The following AUTS2 variants were observed in gnomAD, a reference collection of about 807,000 sequenced individuals.
AUTS2 encodes autism susceptibility gene 2 protein.
Under a neutral mutation model 112.4 loss-of-function variants are expected in AUTS2, and 17 were observed. The observed-to-expected ratio is 0.15, with a 90% CI of 0.10 to 0.23. The LOEUF (loss-of-function observed/expected upper bound fraction) is 0.23, where lower values mean the gene tolerates loss of function less well. Ranked by LOEUF, AUTS2 falls within the 10% of genes least tolerant of loss-of-function variation. AUTS2 has a pLI of 1.00. For missense variants in AUTS2, 1,510 were observed against 1,701.6 expected, an observed-to-expected ratio of 0.89 and a Z score of 1.98; for synonymous variants, 751 against 702.7, an observed-to-expected ratio of 1.07 and a Z score of -1.09.
At chr7:70,606,723 G>C (rs182417670) in intron 5 of AUTS2, among the ~76,000 whole-genome samples, 1 of 151,970 alleles carries the variant, frequency 6.6e-6, no homozygotes, top group South Asian at 2.1e-4. Context: ...TTCGCCAGGC[G>C]TGGTGATGCA....
chr7:70,790,324 C>A lies in AUTS2; in HGVS notation c.3108C>A (p.Ser1036Arg), dbSNP rs956079684. Reference sequence around the variant, plus strand: ...TGACGGGCATTCACCCCATGAACAGCATCAGCAGCCTGGACAGGACTCGCA... The same window carrying A: ...TGACGGGCATTCACCCCATGAACAGAATCAGCAGCCTGGACAGGACTCGCA... ...VGVTGIHPMN[S>R]ISSLDRTRMM... Residue 1036 changes from serine to arginine, a missense_variant, in exon 19 of 19, where the codon AGC (serine) becomes AGA (arginine). By Grantham distance (110) the Ser-to-Arg change is moderately radical (BLOSUM62 -1). Transcript: ENST00000342771. This position sits in a 1 kb window ranked among gnomAD's most constrained non-coding sequence, Gnocchi z 7.6. 1.2e-6 allele frequency: 2 copies of A among 1,613,802 alleles called. No homozygotes were observed. Among genetic ancestry groups the A allele is most frequent in the Non-Finnish European group, 1.7e-6 (2 of 1,180,036 alleles).
intron 4 of AUTS2, 82 bp from the exon 5 acceptor site, chr7:70,435,670 T>TG: frequency 7.3e-7 from 1 of 1,364,968 alleles, no homozygotes; most frequent in Non-Finnish European, 1.0e-6. Context: ...TTTTTTTGTA[T>TG]GGGGGTTGGG....
chr7:69,739,124 G>T (rs897725658), intron 1 of AUTS2, among the ~76,000 whole-genome samples: 2 of 152,028 alleles, frequency 1.3e-5, no homozygotes, highest in Non-Finnish European at 2.9e-5. Flanking sequence ...CCAATCTTCA[G>T]GGGGTGGGAA....
chr7:70,270,717 C>T (rs541837322), intron 4 of AUTS2, among the ~76,000 whole-genome samples: 1 of 152,268 alleles, frequency 6.6e-6, no homozygotes, highest in South Asian at 2.1e-4. Context: ...TAACTACCCC[C>T]TCCTGCTTCT....
intron 4 of AUTS2, among the ~76,000 whole-genome samples, chr7:70,332,523 G>T (rs1790801878): frequency 6.6e-6 from 1 of 152,152 alleles, no homozygotes; most frequent in Non-Finnish European, 1.5e-5. Flanking sequence ...TAAGGAAAAA[G>T]AACAAAGCTG....
chr7:70,528,659 C>A (rs1026195940), intron 5 of AUTS2, among the ~76,000 whole-genome samples: 1 of 152,036 alleles, frequency 6.6e-6, no homozygotes, highest in African/African-American at 2.4e-5. Context: ...CGCCTCTAGT[C>A]CCAGCTACTT....
At chr7:69,751,595 C>A (rs901193317) in intron 1 of AUTS2, among the ~76,000 whole-genome samples, 6 of 152,144 alleles carry the variant, frequency 3.9e-5, no homozygotes, top group African/African-American at 1.4e-4. Flanking sequence ...GAACTTCAGG[C>A]CTTTATTCAT....
At chr7:69,830,372 A>G (rs971458690) in intron 1 of AUTS2, among the ~76,000 whole-genome samples, 2 of 152,222 alleles carry the variant, frequency 1.3e-5, no homozygotes, top group African/African-American at 2.4e-5. Context: ...ATACCTGTAC[A>G]TTCTGCACAT....
At chr7:69,817,389 GTT>G (rs932456041) in intron 1 of AUTS2, among the ~76,000 whole-genome samples, 7 of 152,178 alleles carry the variant, frequency 4.6e-5, no homozygotes, top group African/African-American at 1.7e-4. Flanking sequence ...ATGTGCAGGG[GTT>G]TTATGGGTAC....
At chr7:69,644,574 C>T (rs1794942008) in intron 1 of AUTS2, among the ~76,000 whole-genome samples, 2 of 151,662 alleles carry the variant, frequency 1.3e-5, no homozygotes, top group South Asian at 4.2e-4. Flanking sequence ...GTAGAGGGCT[C>T]AGTAGCCTTC....
At chr7:69,989,908 C>G (rs1335662572) in intron 2 of AUTS2, among the ~76,000 whole-genome samples, 1 of 152,084 alleles carries the variant, frequency 6.6e-6, no homozygotes, top group African/African-American at 2.4e-5. Flanking sequence ...TTTGAGGGAT[C>G]TAGGTTGCCT....
chr7:69,978,297 T>C (rs1173333214), intron 2 of AUTS2, among the ~76,000 whole-genome samples: 1 of 152,212 alleles, frequency 6.6e-6, no homozygotes, highest in Non-Finnish European at 1.5e-5. Context: ...AGAAACAACA[T>C]TGTCTTTTCA....
chr7:69,703,560 T>C (rs187244952), intron 1 of AUTS2, among the ~76,000 whole-genome samples: 1 of 152,368 alleles, frequency 6.6e-6, no homozygotes. Flanking sequence ...CTGATCATTA[T>C]ACTTTTAGAG....
chr7:70,129,798 G>A (rs1806174681), intron 3 of AUTS2, among the ~76,000 whole-genome samples: 2 of 151,994 alleles, frequency 1.3e-5, no homozygotes, highest in African/African-American at 4.8e-5. Context: ...AAGTGACGTA[G>A]CATTTTTCCC....
At chr7:70,218,069 T>G (rs1265718180) in intron 4 of AUTS2, among the ~76,000 whole-genome samples, 1 of 152,234 alleles carries the variant, frequency 6.6e-6, no homozygotes, top group Non-Finnish European at 1.5e-5. Flanking sequence ...TCTGCAGGCC[T>G]GCCCATGCAT....
rs879869927 is a variant in AUTS2, at chr7:70,444,354, G to GTGTGTGTGTT, written c.690+8582_690+8583insTTGTGTGTGT. ...TTTTTGGTCATGTACGTGTGTGTGTGTGTGTGTGTGTGTGTGTGTGAGAGA... is the reference window on the plus strand; with the variant it reads ...TTTTTGGTCATGTACGTGTGTGTGTGTGTGTGTGTTTGTGTGTGTGTGTGTGTGTGAGAGA... On this transcript the variant is annotated intron_variant, in intron 5 of 18. Coordinates refer to ENST00000342771, the MANE Select transcript of AUTS2 (RefSeq NM_015570.4). Among the ~76,000 whole-genome samples, 288 of 148,182 alleles carry GTGTGTGTGTT rather than the reference G, an allele frequency of 1.9e-3. 2 individuals are homozygous for GTGTGTGTGTT. Among genetic ancestry groups the GTGTGTGTGTT allele is most frequent in the Non-Finnish European group, 2.9e-3 (199 of 67,470 alleles).
chr7:70,597,462 G>A (rs1438334638), intron 5 of AUTS2, among the ~76,000 whole-genome samples: 1 of 152,196 alleles, frequency 6.6e-6, no homozygotes, highest in Non-Finnish European at 1.5e-5. Context: ...GAGCTGTTGA[G>A]CTGTAAATGT....
intron 1 of AUTS2, among the ~76,000 whole-genome samples, chr7:69,621,600 C>T (rs1427056578): frequency 6.6e-6 from 1 of 152,138 alleles, no homozygotes; most frequent in Non-Finnish European, 1.5e-5. Flanking sequence ...GTATGGCTTC[C>T]ATTAAAAATA....
chr7:70,336,324 C>T (rs1790988573), intron 4 of AUTS2, among the ~76,000 whole-genome samples: 1 of 152,172 alleles, frequency 6.6e-6, no homozygotes, highest in South Asian at 2.1e-4. Context: ...ACAGGACAAC[C>T]ATTGCTAGCA....
Sources: allele counts gnomAD v4.1 joint callset (sites outside exome capture counted in the v4.1 genomes callset), GRCh38; gene constraint gnomAD v4.1.1; non-coding constraint Gnocchi (gnomAD v3.1); transcripts MANE v1.5; gene names NCBI Gene and HGNC (gene_info 2026-07-23, HGNC 2026-07-21).